Variants in CDC42BPA observed in about 807,000 individuals in gnomAD.
CDC42BPA encodes the protein serine/threonine-protein kinase MRCK alpha.
Under a neutral mutation model 223.5 loss-of-function variants are expected in CDC42BPA, and 80 were observed. That is an observed-to-expected ratio of 0.36 (90% CI 0.30 to 0.43). CDC42BPA has a LOEUF of 0.43. Among genes scored for constraint, CDC42BPA ranks in the 20% least tolerant of loss-of-function variants. The pLI is 1.00. For synonymous variants in CDC42BPA, 694 were observed against 718.6 expected, an observed-to-expected ratio of 0.97 and a Z score of 0.55; for missense variants, 1,743 against 2,099.9, an observed-to-expected ratio of 0.83 and a Z score of 3.32.
intron 23 of CDC42BPA, among the ~76,000 whole-genome samples, chr1:227,044,724 T>C (rs993688832): frequency 1.3e-5 from 2 of 152,192 alleles, no homozygotes; most frequent in African/African-American, 2.4e-5. Context: ...TTTTCATTTT[T>C]CCCAATATTG....
chr1:227,147,283 T>C, intron 7 of CDC42BPA, 76 bp downstream of exon 7: 1 of 1,039,866 alleles, frequency 9.6e-7, no homozygotes, highest in Non-Finnish European at 1.4e-6. Context: ...TTTAGAAAAA[T>C]ATTTTCTCTT....
chr1:227,035,657 A>T, intron 24 of CDC42BPA, 50 bp from the exon 25 acceptor site: 1 of 1,465,454 alleles, frequency 6.8e-7, no homozygotes, highest in Non-Finnish European at 9.2e-7. Flanking sequence ...TTTAACAAAA[A>T]GAAAATTCGT....
chr1:227,123,470 A>C (rs1047507026), intron 11 of CDC42BPA, among the ~76,000 whole-genome samples: 1 of 152,206 alleles, frequency 6.6e-6, no homozygotes, highest in African/African-American at 2.4e-5. Context: ...ATGGAAGAGA[A>C]ATATAAAACA....
rs758269370 is a variant in CDC42BPA, at chr1:227,086,562, C to T, written c.2355+5324G>A. On this transcript the variant is annotated intron_variant, in intron 16 of 36. Coordinates refer to ENST00000366766, the MANE Select transcript of CDC42BPA (RefSeq NM_001394014.1). ...TGCTGTGGTTTTAAGTGGCATTCTCCTAATGACGATCATCTTTTCATGTGC... is the reference window on the plus strand; with the variant it reads ...TGCTGTGGTTTTAAGTGGCATTCTCTTAATGACGATCATCTTTTCATGTGC... Among the ~76,000 whole-genome samples, 117 of 152,118 alleles carry T rather than the reference C, an allele frequency of 7.7e-4. 2 individuals are homozygous for T. The highest frequency in any genetic ancestry group is 4.5e-3 in the Admixed American group (68 of 15,268).
At chr1:227,118,745 A>T (rs1326329743) in intron 12 of CDC42BPA, among the ~76,000 whole-genome samples, 1 of 152,114 alleles carries the variant, frequency 6.6e-6, no homozygotes, top group Non-Finnish European at 1.5e-5. Context: ...TCCTACCAAT[A>T]AAAATGGTAA....
At chr1:227,256,582 T>C (rs751346104) in intron 1 of CDC42BPA, among the ~76,000 whole-genome samples, 1 of 151,932 alleles carries the variant, frequency 6.6e-6, no homozygotes, top group Non-Finnish European at 1.5e-5. Flanking sequence ...AAAACCACAA[T>C]GAGATACCAC....
At chr1:227,021,295 G>A (rs1667331466) in intron 32 of CDC42BPA, among the ~76,000 whole-genome samples, 1 of 152,126 alleles carries the variant, frequency 6.6e-6, no homozygotes, top group Non-Finnish European at 1.5e-5. Flanking sequence ...TAGTATCTGT[G>A]GAGCACGATA....
intron 5 of CDC42BPA, among the ~76,000 whole-genome samples, chr1:227,177,134 A>AT (rs1553378325): frequency 0.3 from 32,382 of 109,578 alleles, 3,604 homozygotes; most frequent in Non-Finnish European, 0.33. Context: ...TAAGAAAAAA[A>AT]AAATATATAT....
chr1:227,270,238 G>A (rs1572756793), intron 1 of CDC42BPA, among the ~76,000 whole-genome samples: 1 of 152,268 alleles, frequency 6.6e-6, no homozygotes, highest in South Asian at 2.1e-4. Context: ...TGAAAAAGTT[G>A]TACACATTTA....
At chr1:227,097,882 A>G (rs1684306645) in intron 15 of CDC42BPA, among the ~76,000 whole-genome samples, 1 of 152,218 alleles carries the variant, frequency 6.6e-6, no homozygotes, top group Non-Finnish European at 1.5e-5. Flanking sequence ...GCAACCCCAC[A>G]GAAGCATGCC....
At chr1:227,088,408 C>T (rs1411165313) in intron 16 of CDC42BPA, among the ~76,000 whole-genome samples, 1 of 152,084 alleles carries the variant, frequency 6.6e-6, no homozygotes, top group African/African-American at 2.4e-5. Context: ...AAAAAATGCT[C>T]TTAACATTTT....
chr1:227,042,386 A>C (rs866528499), intron 23 of CDC42BPA, among the ~76,000 whole-genome samples: 1 of 151,930 alleles, frequency 6.6e-6, no homozygotes, highest in Non-Finnish European at 1.5e-5. Flanking sequence ...AGGGAAAAAT[A>C]TAACAACCCA....
intron 12 of CDC42BPA, among the ~76,000 whole-genome samples, chr1:227,114,971 G>C (rs1191021309): frequency 6.6e-6 from 1 of 152,012 alleles, no homozygotes; most frequent in Non-Finnish European, 1.5e-5. Flanking sequence ...AGACTAGAGA[G>C]TAAACTAAAA....
intron 5 of CDC42BPA, among the ~76,000 whole-genome samples, chr1:227,191,321 G>T (rs1191979248): frequency 8.2e-6 from 1 of 122,330 alleles, no homozygotes; most frequent in East Asian, 2.3e-4. Context: ...CTCCAGCTTG[G>T]GCAACAAGAG....
chr1:227,288,749 C>T (rs369697728), intron 1 of CDC42BPA, among the ~76,000 whole-genome samples: 1 of 151,916 alleles, frequency 6.6e-6, no homozygotes, highest in South Asian at 2.1e-4. Flanking sequence ...AATCCCAACA[C>T]TTTGGAAGGC....
rs1464153486 is a variant in CDC42BPA at position 227,227,965 on chromosome 1, C to CT, written c.271-14747dup. On this transcript the variant is annotated intron_variant, in intron 2 of 36. Coordinates refer to ENST00000366766, the MANE Select transcript of CDC42BPA (RefSeq NM_001394014.1). ...CAATTATGTTGAGGTTGTTCATATC[C>CT]TTTATCCATTACTGATTCTTGTCTA... Among the ~76,000 whole-genome samples, 8 of 152,256 alleles carry CT rather than the reference C, an allele frequency of 5.3e-5. No individual in the cohort carries two copies. In the East Asian group the frequency reaches 1.2e-3, roughly 22 times the overall value.
chr1:227,167,419 T>A (rs1194645484), intron 5 of CDC42BPA, among the ~76,000 whole-genome samples: 3 of 152,222 alleles, frequency 2.0e-5, no homozygotes, highest in East Asian at 1.9e-4. Flanking sequence ...TTAGTTTGAA[T>A]CCTGTAATGA....
chr1:227,112,934 T>C (rs191995371), intron 12 of CDC42BPA, 21 bp from the exon 13 acceptor site: 74 of 1,608,324 alleles, frequency 4.6e-5, no homozygotes, highest in East Asian at 4.5e-4. Context: ...GTAAAAAGAA[T>C]ATAAGTTACC....
chr1:227,315,139 C>T (rs1694158007), intron 1 of CDC42BPA, among the ~76,000 whole-genome samples: 1 of 151,950 alleles, frequency 6.6e-6, no homozygotes, highest in African/African-American at 2.4e-5. Flanking sequence ...CAGCCTTTTC[C>T]ATTCTTAACT....
Sources: gnomAD v4.1 joint callset for allele counts (sites outside exome capture counted in the v4.1 genomes callset) on GRCh38, gnomAD v4.1.1 for gene constraint, MANE v1.5 for transcripts, NCBI Gene and HGNC (gene_info 2026-07-23, HGNC 2026-07-21) for gene names.